Variants in ERBIN observed in about 807,000 individuals in gnomAD.
The protein encoded by ERBIN is densin-180-like protein.
A neutral mutation model predicts 158.4 loss-of-function variants in ERBIN; 60 were observed. That is an observed-to-expected ratio of 0.38 (90% CI 0.31 to 0.47). The LOEUF is 0.47. Ranked by LOEUF, ERBIN falls within the 20% of genes least tolerant of loss-of-function variation. The pLI is 0.99. For missense variants in ERBIN, 1,610 were observed against 1,648.0 expected (o/e 0.98, Z 0.40); for synonymous variants, 594 against 557.2 (o/e 1.07, Z -0.93).
chr5:65,995,324 C>G (rs977115821), intron 4 of ERBIN, among the ~76,000 whole-genome samples: 1 of 151,794 alleles, frequency 6.6e-6, no homozygotes, highest in Non-Finnish European at 1.5e-5. Flanking sequence ...CACCATGCTA[C>G]TCTGCCTCTG....
At chr5:66,061,219 C>G (rs1203972543) in intron 21 of ERBIN, among the ~76,000 whole-genome samples, 3 of 152,152 alleles carry the variant, frequency 2.0e-5, no homozygotes, top group African/African-American at 4.8e-5. Context: ...CTTTATGAAT[C>G]TGGGTGCTCC....
At chr5:66,040,104 C>T (rs1471376243) in intron 15 of ERBIN, among the ~76,000 whole-genome samples, 1 of 151,868 alleles carries the variant, frequency 6.6e-6, no homozygotes, top group Non-Finnish European at 1.5e-5. Flanking sequence ...TTGAGTCAGA[C>T]ACAATGCTAA....
At chr5:66,031,581 C>T (rs562349392) in intron 14 of ERBIN, among the ~76,000 whole-genome samples, 5 of 152,174 alleles carry the variant, frequency 3.3e-5, no homozygotes, top group Non-Finnish European at 7.4e-5. Context: ...CCTCTGATCC[C>T]AGAGCTTTGG....
chr5:66,054,735 A>C lies in ERBIN; in HGVS notation c.3417A>C (p.Ala1139=). The part of the protein sequence containing the change: ...ARTYSIDGPN[A]SRPQSARPSI... ...CATACAGCATAGATGGTCCAAATGC[A>C]TCAAGACCTCAGAGTGCTCGACCCT... Residue 1139 remains alanine, a synonymous_variant, in exon 21 of 26, where the codon GCA becomes GCC. Coordinates refer to ENST00000284037, the MANE Select transcript of ERBIN (RefSeq NM_001253697.2). The C allele has an allele frequency of 6.2e-7, 1 of 1,614,164 alleles. No individual in the cohort carries two copies. The highest frequency in any genetic ancestry group is 8.5e-7 in the Non-Finnish European group (1 of 1,180,006).
At chr5:66,058,824 T>G (rs1372402895) in intron 21 of ERBIN, among the ~76,000 whole-genome samples, 6 of 151,274 alleles carry the variant, frequency 4.0e-5, no homozygotes, top group African/African-American at 1.2e-4. Context: ...TTTGTCAGGT[T>G]TGTCAAAGAT....
chr5:66,038,351 T>C (rs1321350049), intron 14 of ERBIN, 32 bp from the exon 15 acceptor site: 2 of 1,426,750 alleles, frequency 1.4e-6, no homozygotes, highest in Non-Finnish European at 2.0e-6. Context: ...TTTAGGGTTA[T>C]TGAAAATTAA....
chr5:66,017,654 G>A (rs939957845), intron 7 of ERBIN, among the ~76,000 whole-genome samples: 1 of 151,582 alleles, frequency 6.6e-6, no homozygotes, highest in East Asian at 1.9e-4. Flanking sequence ...TTCCTGTGCA[G>A]TTTTTTAGCT....
At chr5:66,025,229 C>G (rs981535168) in intron 10 of ERBIN, 1 of 431,978 alleles carries the variant, frequency 2.3e-6, no homozygotes, top group Non-Finnish European at 4.1e-6. Flanking sequence ...CAAAAAAGTT[C>G]CTACTATCAG....
intron 21 of ERBIN, among the ~76,000 whole-genome samples, chr5:66,064,888 C>G (rs559037188): frequency 1.8e-4 from 28 of 152,120 alleles, no homozygotes; most frequent in African/African-American, 6.8e-4. Context: ...TAAATAGAGA[C>G]AGGGTCTCAC....
intron 1 of ERBIN, among the ~76,000 whole-genome samples, chr5:65,942,444 G>A (rs1395435008): frequency 6.6e-6 from 1 of 152,238 alleles, no homozygotes; most frequent in African/African-American, 2.4e-5. Flanking sequence ...TGAGTTGATA[G>A]ACCTGGTTTT....
chr5:66,058,774 A>G (rs1260162483), intron 21 of ERBIN, among the ~76,000 whole-genome samples: 1 of 150,688 alleles, frequency 6.6e-6, no homozygotes, highest in Non-Finnish European at 1.5e-5. Flanking sequence ...TTTTCCCAGC[A>G]CCATTTATTA....
At chr5:65,956,217 T>C (rs118126408) in intron 1 of ERBIN, among the ~76,000 whole-genome samples, 3 of 152,102 alleles carry the variant, frequency 2.0e-5, no homozygotes, top group East Asian at 3.9e-4. Flanking sequence ...CTGGTGGTAG[T>C]TGGGGATTAG....
Position 66,044,193 on chromosome 5 carries a change from C to T in ERBIN, c.1485C>T (p.Val495=), listed in dbSNP as rs1296948639. The T allele has an allele frequency of 6.2e-7, 1 of 1,607,962 alleles. No homozygotes were observed. The highest frequency in any genetic ancestry group is 2.2e-5 in the East Asian group (1 of 44,496). The change falls in exon 17 of 26, where the codon GTC becomes GTT. Residue 495 remains valine, a synonymous_variant. Coordinates refer to ENST00000284037, the MANE Select transcript of ERBIN (RefSeq NM_001253697.2). ...TPYPDELKNM[V]KTVQTIVHRL... Reference sequence around the variant, plus strand: ...ACCCAGATGAGCTTAAGAATATGGTCAAAACTGTTCAAACCATTGTACATA... The same window carrying T: ...ACCCAGATGAGCTTAAGAATATGGTTAAAACTGTTCAAACCATTGTACATA...
chr5:65,947,828 A>C (rs926634221), intron 1 of ERBIN, among the ~76,000 whole-genome samples: 3 of 151,966 alleles, frequency 2.0e-5, no homozygotes, highest in Non-Finnish European at 4.4e-5. Flanking sequence ...CCAACATGAC[A>C]AAACCCCATC....
chr5:66,011,795 C>A (rs1406754741), intron 4 of ERBIN, among the ~76,000 whole-genome samples: 2 of 151,974 alleles, frequency 1.3e-5, no homozygotes, highest in Non-Finnish European at 1.5e-5. Flanking sequence ...ATGTAGAAGG[C>A]ACTAATTTTC....
At chr5:66,067,080 A>G (rs530904173) in intron 21 of ERBIN, among the ~76,000 whole-genome samples, 3 of 152,302 alleles carry the variant, frequency 2.0e-5, no homozygotes, top group East Asian at 3.9e-4. Flanking sequence ...TTATGTATGT[A>G]TGAATGATTT....
At chr5:66,047,118 G>C (rs1265447020) in intron 18 of ERBIN, among the ~76,000 whole-genome samples, 18 of 151,960 alleles carry the variant, frequency 1.2e-4, no homozygotes, top group Admixed American at 1.2e-3. Context: ...CTCTTTACCT[G>C]TTACTCCTCA....
chr5:65,934,448 T>C (rs193066074), intron 1 of ERBIN, among the ~76,000 whole-genome samples: 1 of 152,262 alleles, frequency 6.6e-6, no homozygotes, highest in East Asian at 1.9e-4. Flanking sequence ...GCCTTGACAC[T>C]TTTGAAGATC....
intron 4 of ERBIN, among the ~76,000 whole-genome samples, chr5:66,002,843 T>A (rs1392083619): frequency 6.6e-6 from 1 of 152,242 alleles, no homozygotes; most frequent in Non-Finnish European, 1.5e-5. Context: ...AATTGCCATT[T>A]TGCTTTGTAG....
Sources: gnomAD v4.1 joint callset for allele counts (sites outside exome capture counted in the v4.1 genomes callset) on GRCh38, gnomAD v4.1.1 for gene constraint, MANE v1.5 for transcripts, NCBI Gene and HGNC (gene_info 2026-07-23, HGNC 2026-07-21) for gene names.